The following CKS2 variants were observed in gnomAD, a reference collection of about 807,000 sequenced individuals.
The protein encoded by CKS2 is CDC28 protein kinase regulatory subunit 2, also known as cyclin-dependent kinases regulatory subunit 2.
A neutral mutation model predicts 14.3 loss-of-function variants in CKS2; 4 were observed. The ratio of observed to expected loss-of-function variants is 0.28; its 90% confidence interval spans 0.14 to 0.64. The LOEUF (loss-of-function observed/expected upper bound fraction) is 0.64, where lower values mean the gene tolerates loss of function less well. Among genes scored for constraint, CKS2 ranks in the 30% least tolerant of loss-of-function variants. The pLI is 0.83. For synonymous variants in CKS2, 33 were observed against 28.7 expected, an observed-to-expected ratio of 1.15 and a Z score of -0.48; for missense variants, 71 against 94.3, an observed-to-expected ratio of 0.75 and a Z score of 1.02.
rs1020063885 is a variant in CKS2, at chr9:89,311,281, C to T, written c.-12C>T. ...CGCGCTCTCGTTTCATTTTCTGCAG[C>T]GCGCCAGCAGGATGGCCCACAAGCA... On this transcript the variant is annotated 5_prime_UTR_variant, in exon 1 of 3. Transcript: ENST00000314355. 3.1e-6 allele frequency: 5 copies of T among 1,609,408 alleles called. No individual in the cohort carries two copies. The highest frequency in any genetic ancestry group is 2.7e-5 in the African/African-American group (2 of 74,610).
Position 89,316,407 on chromosome 9 carries a change from A to G in CKS2, c.222A>G (p.Pro74=), listed in dbSNP as rs1204051886. The change falls in exon 3 of 3, where the codon CCA becomes CCG. Residue 74 remains proline (P), a synonymous_variant. Transcript: ENST00000314355. ...PHILLFRRPL[P]KDQQK ...TTCTTCTCTTTAGACGACCTCTTCC[A>G]AAAGATCAACAAAAATGAAGTTTAT... is the stretch of plus-strand genomic sequence containing the variant. The G allele has an allele frequency of 6.3e-7, 1 of 1,594,184 alleles. No individual in the cohort carries two copies. The highest frequency in any genetic ancestry group is 1.7e-5 in the Admixed American group (1 of 59,190).
At chr9:89,315,889 A>G (rs1361070748) in intron 2 of CKS2, among the ~76,000 whole-genome samples, 1 of 152,210 alleles carries the variant, frequency 6.6e-6, no homozygotes, top group Non-Finnish European at 1.5e-5. Flanking sequence ...CAGCATTTAT[A>G]ATGCTTTGAA....
chr9:89,311,234 T>C lies in CKS2; in HGVS notation c.-59T>C. The C allele has an allele frequency of 1.4e-6, 2 of 1,472,660 alleles. No homozygotes were observed. Among genetic ancestry groups the C allele is most frequent in the South Asian group, 1.2e-5 (1 of 86,136 alleles). The allele number at this position is 1,472,660 out of a possible 1,614,324, so 91.2% of individuals were successfully genotyped here. ...AGTTGTTGCCTGGGCTGGACGTGGT[T>C]TTGTCTGCTGCGCCCGCTCTTCGCG... On this transcript the variant is annotated 5_prime_UTR_variant, in exon 1 of 3. Coordinates refer to ENST00000314355, the MANE Select transcript of CKS2 (RefSeq NM_001827.3).
intron 1 of CKS2, 40 bp downstream of exon 1, chr9:89,311,391 C>G: frequency 6.5e-7 from 1 of 1,539,764 alleles, no homozygotes. Context: ...CTCCCTCAGC[C>G]GGGGCCCCCG....
At position 89,316,480 on chromosome 9, in the gene CKS2, AG is replaced by A; in HGVS notation, c.*57del. On this transcript the variant is annotated 3_prime_UTR_variant, in exon 3 of 3. Coordinates refer to ENST00000314355, the MANE Select transcript of CKS2 (RefSeq NM_001827.3). ...CAAATTTAATGTATATGTGTATATA[AG>A]GTAGTATTCAGTGAATACTTGAGAA... The A allele has an allele frequency of 1.8e-6, 2 of 1,081,356 alleles. No homozygotes were observed. Among genetic ancestry groups the A allele is most frequent in the Non-Finnish European group, 2.8e-6 (2 of 715,300 alleles). The allele number at this position is 1,081,356 out of a possible 1,614,324, so 67.0% of individuals were successfully genotyped here.
At chr9:89,314,177 G>A (rs1376767869) in intron 1 of CKS2, among the ~76,000 whole-genome samples, 3 of 152,160 alleles carry the variant, frequency 2.0e-5, no homozygotes, top group African/African-American at 7.2e-5. Context: ...TACTGCAGGT[G>A]GTAAACATGG....
intron 1 of CKS2, among the ~76,000 whole-genome samples, chr9:89,313,467 A>G (rs1381735822): frequency 6.6e-6 from 1 of 152,254 alleles, no homozygotes; most frequent in Non-Finnish European, 1.5e-5. Flanking sequence ...TTCAACTGAA[A>G]TAAACGTTAG....
In CKS2 at chr9:89,311,214, T is replaced by G; in HGVS notation, c.-79T>G. ...GCGGTCGTTAGTCTCCGGCGAGTTG[T>G]TGCCTGGGCTGGACGTGGTTTTGTC... On this transcript the variant is annotated 5_prime_UTR_variant, in exon 1 of 3. Coordinates refer to ENST00000314355, the MANE Select transcript of CKS2 (RefSeq NM_001827.3). The G allele has an allele frequency of 8.2e-7, 1 of 1,222,134 alleles. No homozygotes were observed. Among genetic ancestry groups the G allele is most frequent in the Non-Finnish European group, 1.2e-6 (1 of 840,216 alleles). 75.7% of individuals were successfully genotyped at this position (1,222,134 alleles called of 1,614,324 possible). A position where few individuals can be genotyped will look rare whatever the true frequency, so the allele number is the denominator to read the frequency against.
intron 1 of CKS2, chr9:89,312,328 C>A (rs1824634078): frequency 6.5e-6 from 1 of 154,672 alleles, no homozygotes; most frequent in Non-Finnish European, 1.5e-5. Context: ...ATGCGGGACA[C>A]TTCATTTAGG....
chr9:89,312,958 T>TGGCA (rs1356515984), intron 1 of CKS2, among the ~76,000 whole-genome samples: 33 of 152,380 alleles, frequency 2.2e-4, no homozygotes, highest in African/African-American at 7.5e-4. Context: ...TTCTTTCTGA[T>TGGCA]GGCAGTAGGT....
chr9:89,314,456 T>C (rs1280088593), intron 1 of CKS2, among the ~76,000 whole-genome samples: 1 of 152,160 alleles, frequency 6.6e-6, no homozygotes, highest in Non-Finnish European at 1.5e-5. Flanking sequence ...AACGGTGAGG[T>C]TGCACACAAT....
intron 2 of CKS2, among the ~76,000 whole-genome samples, chr9:89,316,027 C>T (rs936403385): frequency 1.3e-5 from 2 of 152,076 alleles, no homozygotes; most frequent in African/African-American, 2.4e-5. Context: ...GATTGAGATA[C>T]GTAATCCTAT....
At position 89,315,298 on chromosome 9, in the gene CKS2, G is replaced by A; in HGVS notation, c.187+1G>A. On this transcript the variant is annotated splice_donor_variant, in intron 2 of 2. Transcript: ENST00000314355. LOFTEE classifies it high-confidence loss of function. ...GTTCATTACATGATTCATGAGCCAG[G>A]TAAGCTATGCTATGTTATAGTAAAG... 2 of 1,590,732 alleles carry A rather than the reference G, an allele frequency of 1.3e-6. No individual in the cohort carries two copies. The highest frequency in any genetic ancestry group is 1.7e-6 in the Non-Finnish European group (2 of 1,167,138).
At chr9:89,314,926 G>A (rs1002661527) in intron 1 of CKS2, among the ~76,000 whole-genome samples, 1 of 152,172 alleles carries the variant, frequency 6.6e-6, no homozygotes, top group African/African-American at 2.4e-5. Context: ...TCTTCCTGAA[G>A]AAGATTAAGG....
chr9:89,314,285 T>C (rs1824669796), intron 1 of CKS2, among the ~76,000 whole-genome samples: 1 of 152,204 alleles, frequency 6.6e-6, no homozygotes, highest in Non-Finnish European at 1.5e-5. Flanking sequence ...AAATCTTTGA[T>C]AGAATGCTTT....
intron 1 of CKS2, among the ~76,000 whole-genome samples, chr9:89,312,791 A>C (rs1461415660): frequency 6.6e-6 from 1 of 152,238 alleles, no homozygotes; most frequent in Non-Finnish European, 1.5e-5. Flanking sequence ...GAGGATATCC[A>C]ATAATGAACA....
intron 1 of CKS2, among the ~76,000 whole-genome samples, chr9:89,312,034 A>C (rs1824622210): frequency 6.6e-6 from 1 of 152,142 alleles, no homozygotes; most frequent in South Asian, 2.1e-4. Flanking sequence ...ATTATAGGTT[A>C]GCCGCAGTCA....
intron 1 of CKS2, among the ~76,000 whole-genome samples, chr9:89,314,759 TC>T (rs778498480): frequency 7.9e-5 from 12 of 152,222 alleles, no homozygotes; most frequent in Non-Finnish European, 1.3e-4. Flanking sequence ...GGCTCCCTGA[TC>T]ATATTAATGT....
At chr9:89,315,006 G>A (rs1165186301) in intron 1 of CKS2, among the ~76,000 whole-genome samples, 164 bp from the exon 2 acceptor site, 3 of 152,146 alleles carry the variant, frequency 2.0e-5, no homozygotes, top group Non-Finnish European at 2.9e-5. Context: ...CTTTTGGATT[G>A]TGCACTCTTA....
Sources: gnomAD v4.1 joint callset for allele counts (sites outside exome capture counted in the v4.1 genomes callset) on GRCh38, gnomAD v4.1.1 for gene constraint, MANE v1.5 for transcripts, NCBI Gene and HGNC (gene_info 2026-07-23, HGNC 2026-07-21) for gene names.